ASMT: variants seen among roughly 807,000 people sequenced by gnomAD.
ASMT encodes acetylserotonin O-methyltransferase, also known as acetylserotonin N-methyltransferase.
In ASMT, 53 loss-of-function variants were observed where a neutral mutation model predicts 41.3. The ratio of observed to expected loss-of-function variants is 1.28; its 90% confidence interval spans 1.03 to 1.61. ASMT has a LOEUF of 1.61. Among genes scored for constraint, ASMT ranks in the 40% most tolerant of loss-of-function variants. The pLI is 0.00. For missense variants in ASMT, 531 were observed against 441.3 expected, an observed-to-expected ratio of 1.20 and a Z score of -1.82; for synonymous variants, 231 against 184.8, an observed-to-expected ratio of 1.25 and a Z score of -2.03.
rs781147911 is a variant in ASMT, at chrX:1,629,877, A to G, written c.500A>G (p.Asn167Ser). ...GCTCTGCAGGAGGTCTGGAGCGTCA[A>G]CGGGAGAAGCGTGCTGACCGCCTTT... ...MQALQEVWSVNGRSVLTAFDL... is the reference protein window; with the variant it reads ...MQALQEVWSVSGRSVLTAFDL... The change falls in exon 5 of 9, where the codon AAC (asparagine) becomes AGC (serine). Residue 167 changes from asparagine to serine, a missense_variant. Coordinates refer to ENST00000381241, the MANE Select transcript of ASMT (RefSeq NM_001171038.2). 120 of 1,613,980 alleles carry G rather than the reference A, an allele frequency of 7.4e-5. 2 individuals carry two copies. The South Asian group carries it at 1.2e-3, about 17-fold the overall frequency.
chrX:1,623,080 T>C (rs1283448947), intron 1 of ASMT, 59 bp from the exon 2 acceptor site: 66 of 1,588,040 alleles, frequency 4.2e-5, no homozygotes, highest in Non-Finnish European at 5.3e-5. Flanking sequence ...GGGGTGTTTC[T>C]AAGACTGTGG....
At chrX:1,618,861 G>A (rs1203032722) in intron 1 of ASMT, among the ~76,000 whole-genome samples, 42 of 152,318 alleles carry the variant, frequency 2.8e-4, no homozygotes, top group African/African-American at 9.6e-4. Flanking sequence ...TTCAAAGACT[G>A]TCGCTGGTTC....
intron 4 of ASMT, among the ~76,000 whole-genome samples, chrX:1,628,422 T>C (rs772829911): frequency 6.6e-6 from 1 of 152,302 alleles, no homozygotes; most frequent in African/African-American, 2.4e-5. Context: ...CTTTGCGATG[T>C]GGACACAGCT....
chrX:1,623,354 C>T lies in ASMT; in HGVS notation c.244+41C>T, dbSNP rs760973188. On this transcript the variant is annotated intron_variant, in intron 2 of 8. Transcript: ENST00000381241. ...TTTTGAAGGAGGCATTTTACATAGACACCCTCTGCAGCCCACGTGTTCTGT... is the reference window on the plus strand; with the variant it reads ...TTTTGAAGGAGGCATTTTACATAGATACCCTCTGCAGCCCACGTGTTCTGT... 3.1e-6 allele frequency: 5 copies of T among 1,609,556 alleles called. 1 individual carries two copies. The South Asian group carries it at 3.3e-5, about 11-fold the overall frequency.
At chrX:1,617,211 G>C (rs763707467) in intron 1 of ASMT, among the ~76,000 whole-genome samples, 1 of 151,868 alleles carries the variant, frequency 6.6e-6, no homozygotes, top group African/African-American at 2.4e-5. Context: ...GCTCATGCCT[G>C]TCATCCCAGC....
At chrX:1,624,499 C>T in intron 3 of ASMT, 101 bp downstream of exon 3, 1 of 1,459,464 alleles carries the variant, frequency 6.9e-7, no homozygotes, top group Middle Eastern at 2.6e-4. Context: ...GAGGTGGTGG[C>T]TGACCCCAGG....
chrX:1,627,990 C>G, intron 4 of ASMT: 1 of 622,064 alleles, frequency 1.6e-6, no homozygotes. Context: ...ACCCTTCCTT[C>G]GAAAGGACTA....
intron 8 of ASMT, 76 bp downstream of exon 8, chrX:1,636,636 G>C: frequency 6.2e-7 from 1 of 1,610,874 alleles, no homozygotes; most frequent in Non-Finnish European, 8.5e-7. Flanking sequence ...TTAGAAGGCA[G>C]GCACTGAAAT....
At chrX:1,627,219 G>A (rs1351045479) in intron 3 of ASMT, among the ~76,000 whole-genome samples, 2 of 151,282 alleles carry the variant, frequency 1.3e-5, no homozygotes, top group Non-Finnish European at 2.9e-5. Context: ...CCAGCTACTC[G>A]GGAGGCTGAG....
chrX:1,619,178 A>G (rs1236882128), intron 1 of ASMT, among the ~76,000 whole-genome samples: 7 of 151,936 alleles, frequency 4.6e-5, no homozygotes, highest in African/African-American at 7.2e-5. Context: ...GGCGGATCAC[A>G]AGGTCAGGAG....
At chrX:1,631,405 C>T (rs1306723706) in intron 5 of ASMT, among the ~76,000 whole-genome samples, 1 of 151,942 alleles carries the variant, frequency 6.6e-6, no homozygotes, top group Non-Finnish European at 1.5e-5. Flanking sequence ...CCCTTAAGCA[C>T]CTCCTCTACC....
chrX:1,631,580 T>G (rs1934777715), intron 5 of ASMT, among the ~76,000 whole-genome samples: 1 of 151,912 alleles, frequency 6.6e-6, no homozygotes, highest in Admixed American at 6.6e-5. Flanking sequence ...ATAGATAGAG[T>G]TCAGGATCCC....
chrX:1,632,896 CA>C, intron 6 of ASMT, 109 bp downstream of exon 6: 1 of 587,060 alleles, frequency 1.7e-6, no homozygotes, highest in Non-Finnish European at 3.1e-6. Context: ...AGCACTAGGA[CA>C]AATACCTAAT....
At chrX:1,615,763 C>T (rs746311091) in intron 1 of ASMT, among the ~76,000 whole-genome samples, 92 of 151,788 alleles carry the variant, frequency 6.1e-4, no homozygotes, top group African/African-American at 1.7e-3. Flanking sequence ...GATCGCACCA[C>T]TGCACTCCCG....
chrX:1,616,116 C>G (rs1233694439), intron 1 of ASMT, among the ~76,000 whole-genome samples: 1 of 151,226 alleles, frequency 6.6e-6, no homozygotes, highest in Non-Finnish European at 1.5e-5. Flanking sequence ...GCAACCTCCG[C>G]CTCCAGGGTT....
intron 1 of ASMT, among the ~76,000 whole-genome samples, chrX:1,619,444 T>C (rs1184401576): frequency 3.4e-5 from 5 of 145,580 alleles, no homozygotes; most frequent in Non-Finnish European, 7.5e-5. Flanking sequence ...CTAGGACAAA[T>C]ACCTAATGTA....
intron 4 of ASMT, among the ~76,000 whole-genome samples, 180 bp from the exon 5 acceptor site, chrX:1,629,639 CTT>C (rs1432692951): frequency 6.6e-6 from 1 of 152,178 alleles, no homozygotes; most frequent in Non-Finnish European, 1.5e-5. Context: ...GCTGGGTACA[CTT>C]TGCTGGCTGA....
chrX:1,615,267 A>AG lies in ASMT; in HGVS notation c.69+1dup. 1 of 1,591,286 alleles carries AG rather than the reference A, an allele frequency of 6.3e-7. No individual in the cohort carries two copies. Among genetic ancestry groups the AG allele is most frequent in the Non-Finnish European group, 8.6e-7 (1 of 1,168,772 alleles). On this transcript the variant is annotated frameshift_variant and splice_region_variant, in exon 1 of 9. Coordinates refer to ENST00000381241, the MANE Select transcript of ASMT (RefSeq NM_001171038.2). LOFTEE classifies it high-confidence loss of function. Reference sequence around the variant, plus strand: ...TACGCCAACGGCTTCATGGTGTCCCAGGTAGGATACGCTCTGTGGGACAAG... The same window carrying AG: ...TACGCCAACGGCTTCATGGTGTCCCAGGGTAGGATACGCTCTGTGGGACAAG...
At chrX:1,620,357 G>T (rs1479706640) in intron 1 of ASMT, among the ~76,000 whole-genome samples, 1 of 151,068 alleles carries the variant, frequency 6.6e-6, no homozygotes, top group African/African-American at 2.4e-5. Flanking sequence ...TAGTAGAGAC[G>T]GGGTTTCACT....
Sources: allele counts gnomAD v4.1 joint callset (sites outside exome capture counted in the v4.1 genomes callset), GRCh38; gene constraint gnomAD v4.1.1; transcripts MANE v1.5; gene names NCBI Gene and HGNC (gene_info 2026-07-23, HGNC 2026-07-21).